The following DNM2 variants were observed in gnomAD, a reference collection of about 807,000 sequenced individuals.
DNM2 encodes dynamin-2.
In DNM2, 15 loss-of-function variants were observed where a neutral mutation model predicts 99.0. The ratio of observed to expected loss-of-function variants is 0.15; its 90% CI spans 0.10 to 0.23. The LOEUF is 0.23. Ranked by LOEUF, DNM2 falls within the 10% of genes least tolerant of loss-of-function variation. The pLI is 1.00. For missense variants in DNM2, 742 were observed against 1,189.4 expected, an observed-to-expected ratio of 0.62 and a Z score of 5.53; for synonymous variants, 525 against 481.2, an observed-to-expected ratio of 1.09 and a Z score of -1.19.
chr19:10,806,617 C>A (rs939144179), intron 13 of DNM2, among the ~76,000 whole-genome samples: 1 of 152,100 alleles, frequency 6.6e-6, no homozygotes, highest in Non-Finnish European at 1.5e-5. Flanking sequence ...ATGGCAAAAA[C>A]CCCATCTCTA....
intron 10 of DNM2, among the ~76,000 whole-genome samples, chr19:10,798,029 G>C (rs1321540459): frequency 2.0e-5 from 3 of 152,118 alleles, no homozygotes; most frequent in Admixed American, 2.0e-4. Flanking sequence ...CACAGATACA[G>C]TGATCAGGAG....
chr19:10,759,881 G>C (rs1251654416), intron 2 of DNM2, 70 bp downstream of exon 2: 5 of 1,594,680 alleles, frequency 3.1e-6, no homozygotes, highest in Non-Finnish European at 4.3e-6. Flanking sequence ...GTTGCTGGGG[G>C]CGGAGGGTGG....
rs964271974 is a variant in DNM2 at position 10,812,744 on chromosome 19, G to A, written c.1671+367G>A. On this transcript the variant is annotated intron_variant, in intron 15 of 20. Coordinates refer to ENST00000389253, the MANE Select transcript of DNM2 (RefSeq NM_001005361.3). This position sits in a 1 kb window ranked among gnomAD's most constrained non-coding sequence, Gnocchi z 4.0. ...GGAGGTTGCAGTGAGCCGAGATTGC[G>A]CCACTGCACTCCAGCCTGGGCGAGA... Among the ~76,000 whole-genome samples the A allele has an allele frequency of 5.3e-5, 8 of 152,244 alleles. No individual in the cohort carries two copies. Among genetic ancestry groups the A allele is most frequent in the South Asian group, 2.1e-4 (1 of 4,822 alleles).
intron 8 of DNM2, among the ~76,000 whole-genome samples, chr19:10,794,112 A>G (rs2071845859): frequency 6.6e-6 from 1 of 152,210 alleles, no homozygotes; most frequent in African/African-American, 2.4e-5. Context: ...TCTTTGCAAA[A>G]TACATAGAAA....
chr19:10,759,708 G>C, intron 1 of DNM2, 30 bp from the exon 2 acceptor site: 3 of 1,613,936 alleles, frequency 1.9e-6, no homozygotes, highest in Non-Finnish European at 1.7e-6. Context: ...GGACGCAAGA[G>C]TAATTTCTGT....
chr19:10,747,025 C>A (rs2070013064), intron 1 of DNM2, among the ~76,000 whole-genome samples: 1 of 151,538 alleles, frequency 6.6e-6, no homozygotes, highest in African/African-American at 2.4e-5. Context: ...GCATGAGCCA[C>A]CGCACTCAAC....
chr19:10,795,247 TG>T lies in DNM2; in HGVS notation c.1129-124del, dbSNP rs2071891463. 1.1e-5 allele frequency: 10 copies of T among 899,704 alleles called. No individual in the cohort carries two copies. In the Admixed American group the frequency reaches 1.7e-4, roughly 15 times the overall value. 55.7% of individuals were successfully genotyped at this position (899,704 alleles called of 1,614,324 possible). A position where few individuals can be genotyped will look rare whatever the true frequency, so the allele number is the denominator to read the frequency against. ...GTTTTCAATTTTTTAAATAAAATTT[TG>T]ACGAGTTAAATATTCTGCCTTGTGA... is the stretch of plus-strand genomic sequence containing the variant. On this transcript the variant is annotated intron_variant, in intron 8 of 20. Transcript: ENST00000389253. The surrounding 1 kb of genome is among the most constrained non-coding windows in gnomAD (Gnocchi z 4.2).
At chr19:10,798,298 C>T (rs970407944) in intron 10 of DNM2, 188 bp from the exon 11 acceptor site, 5 of 616,348 alleles carry the variant, frequency 8.1e-6, no homozygotes, top group Non-Finnish European at 1.5e-5. Context: ...CTCCGGTCCA[C>T]GGTGCCCCCA....
At chr19:10,782,654 G>A (rs759115918) in intron 5 of DNM2, among the ~76,000 whole-genome samples, 6 of 152,236 alleles carry the variant, frequency 3.9e-5, no homozygotes, top group Non-Finnish European at 7.4e-5. Context: ...CACCGCTCCC[G>A]GCCGAGATTT....
intron 15 of DNM2, among the ~76,000 whole-genome samples, chr19:10,813,469 A>T (rs371592274): frequency 6.6e-6 from 1 of 152,194 alleles, no homozygotes; most frequent in Non-Finnish European, 1.5e-5. Context: ...GGTGTCTGTC[A>T]CTTTGGTATT....
chr19:10,826,338 ACGTTT>A (rs554166316), intron 18 of DNM2, among the ~76,000 whole-genome samples: 153 of 152,264 alleles, frequency 1.0e-3, no homozygotes, highest in African/African-American at 3.5e-3. Flanking sequence ...ATTCAAACCC[ACGTTT>A]ACCCTGGTTG....
intron 1 of DNM2, among the ~76,000 whole-genome samples, chr19:10,750,297 A>T (rs1488380652): frequency 6.6e-6 from 1 of 151,088 alleles, no homozygotes; most frequent in African/African-American, 2.4e-5. Context: ...TGGGCAACAT[A>T]GCGAGACCCT....
intron 1 of DNM2, among the ~76,000 whole-genome samples, chr19:10,727,106 C>T (rs1568264170): frequency 1.3e-5 from 2 of 152,108 alleles, no homozygotes; most frequent in Admixed American, 1.3e-4. Flanking sequence ...ACATGTGAAT[C>T]GTCTCCCCAT....
At chr19:10,819,056 C>T (rs1264969455) in intron 15 of DNM2, among the ~76,000 whole-genome samples, 3 of 152,270 alleles carry the variant, frequency 2.0e-5, no homozygotes, top group Admixed American at 6.5e-5. Flanking sequence ...AGGGGCCCAC[C>T]TCTGAGCTGC....
At position 10,830,185 on chromosome 19, in the gene DNM2, G is replaced by A. The variant is rs1489129518; in HGVS notation, c.2350G>A (p.Val784Met). Residue 784 changes from valine to methionine, a missense_variant, in exon 20 of 21, where the codon GTG becomes ATG. Around this residue, in one of 7 missense-constraint regions of DNM2, gnomAD observed 187 missense variants for 218.8 expected, o/e 0.85. Coordinates refer to ENST00000389253, the MANE Select transcript of DNM2 (RefSeq NM_001005361.3). This position sits in a 1 kb window ranked among gnomAD's most constrained non-coding sequence, Gnocchi z 4.8. ...ACACCCCCCTGGCCGGCCCCCAGCA[G>A]TGAGGGGCCCCACTCCAGGGCCCCC... ...SIHPPGRPPA[V>M]RGPTPGPPLI... 6.2e-6 allele frequency: 10 copies of A among 1,613,672 alleles called. No individual in the cohort carries two copies. Among genetic ancestry groups the A allele is most frequent in the South Asian group, 3.3e-5 (3 of 91,072 alleles).
Position 10,831,399 on chromosome 19 carries a change from G to A in DNM2, c.*352G>A. On this transcript the variant is annotated 3_prime_UTR_variant, in exon 21 of 21. Coordinates refer to ENST00000389253, the MANE Select transcript of DNM2 (RefSeq NM_001005361.3). This position sits in a 1 kb window ranked among gnomAD's most constrained non-coding sequence, Gnocchi z 4.3. ...TTCTTGGGCTGGGAAAGCCCATGTA[G>A]GGCAGGCCTTCTATAAGTGCGGGCA... 3.8e-6 allele frequency: 4 copies of A among 1,062,392 alleles called. No homozygotes were observed. In the South Asian group the frequency reaches 1.2e-4, roughly 32 times the overall value. The allele number at this position is 1,062,392 out of a possible 1,614,324, so 65.8% of individuals were successfully genotyped here.
At position 10,764,668 on chromosome 19, in the gene DNM2, A is replaced by G. The variant is rs909016804; in HGVS notation, c.235+4857A>G. 2.0e-5 allele frequency among the ~76,000 whole-genome samples: 3 copies of G among 152,050 alleles called. No individual in the cohort carries two copies. The highest frequency in any genetic ancestry group is 2.1e-4 in the South Asian group (1 of 4,820). The stretch of plus-strand genomic sequence containing the variant: ...TCAGGACCTGGCTCCAGGGCTTCCC[A>G]TTGGCCTCAGAATCAAATCGAGCCT... On this transcript the variant is annotated intron_variant, in intron 2 of 20. Transcript: ENST00000389253. This position sits in a 1 kb window ranked among gnomAD's most constrained non-coding sequence, Gnocchi z 4.1.
intron 1 of DNM2, among the ~76,000 whole-genome samples, chr19:10,728,539 G>A (rs947062417): frequency 1.3e-5 from 2 of 152,306 alleles, no homozygotes; most frequent in South Asian, 2.1e-4. Context: ...GATATGCATC[G>A]AGGTTGTCAG....
At chr19:10,798,187 C>T (rs2072006002) in intron 10 of DNM2, among the ~76,000 whole-genome samples, 1 of 152,208 alleles carries the variant, frequency 6.6e-6, no homozygotes, top group Non-Finnish European at 1.5e-5. Flanking sequence ...TGCCCTGAAG[C>T]CCTGCATGGC....
Sources: gnomAD v4.1 joint callset for allele counts (sites outside exome capture counted in the v4.1 genomes callset) on GRCh38, gnomAD v4.1.1 for gene constraint, gnomAD v4.1.1 regional missense constraint, Gnocchi (gnomAD v3.1) non-coding constraint, MANE v1.5 for transcripts, NCBI Gene and HGNC (gene_info 2026-07-23, HGNC 2026-07-21) for gene names.